The following PCGF3 variants were observed in gnomAD, a reference collection of about 807,000 sequenced individuals.
PCGF3 encodes polycomb group RING finger protein 3.
In PCGF3, 7 loss-of-function variants were observed where a neutral mutation model predicts 33.1. That is an observed-to-expected ratio of 0.21 (90% CI 0.12 to 0.40). PCGF3 has a LOEUF of 0.40. PCGF3 is among the 10% of genes least tolerant of loss of function. PCGF3 has a pLI of 1.00. For missense variants in PCGF3, 211 were observed against 313.3 expected (o/e 0.67, Z 2.46); for synonymous variants, 153 against 121.3 (o/e 1.26, Z -1.72).
At chr4:751,739 C>T (rs1744523353) in intron 8 of PCGF3, among the ~76,000 whole-genome samples, 1 of 152,246 alleles carries the variant, frequency 6.6e-6, no homozygotes, top group Admixed American at 6.5e-5. Flanking sequence ...TGTGCCTGTG[C>T]CTGGAGGCTC....
intron 9 of PCGF3, chr4:764,534 G>C (rs1437348881): frequency 6.4e-6 from 1 of 156,014 alleles, no homozygotes; most frequent in Admixed American, 6.4e-5. Flanking sequence ...GAGCTGTCAG[G>C]GCTGCTCATG....
intron 9 of PCGF3, chr4:762,807 C>T (rs766998721): frequency 2.6e-5 from 4 of 152,216 alleles, no homozygotes; most frequent in Non-Finnish European, 5.9e-5. Flanking sequence ...GAAGACACCA[C>T]CTCGTGATAA....
intron 8 of PCGF3, among the ~76,000 whole-genome samples, chr4:753,721 G>T (rs1339332121): frequency 6.6e-6 from 1 of 152,016 alleles, no homozygotes; most frequent in Non-Finnish European, 1.5e-5. Flanking sequence ...GCTGAGGCGG[G>T]CAGATTGCCT....
chr4:754,744 C>T (rs1198350683), intron 8 of PCGF3, among the ~76,000 whole-genome samples: 2 of 152,142 alleles, frequency 1.3e-5, no homozygotes, highest in Admixed American at 6.5e-5. Context: ...TGCAGCCTGG[C>T]GTGGCTTTAT....
At chr4:713,871 G>A (rs898737217) in intron 1 of PCGF3, among the ~76,000 whole-genome samples, 5 of 152,274 alleles carry the variant, frequency 3.3e-5, no homozygotes, top group Middle Eastern at 3.4e-3. Context: ...TGGGGGCCAC[G>A]AGGGCTCACC....
intron 1 of PCGF3, among the ~76,000 whole-genome samples, chr4:716,234 A>G (rs1389590689): frequency 1.5e-4 from 15 of 96,820 alleles, no homozygotes; most frequent in Admixed American, 2.3e-4. Context: ...GGGACCCTCT[A>G]GACACTGTGA....
At chr4:742,655 G>A (rs1744144466) in intron 6 of PCGF3, among the ~76,000 whole-genome samples, 1 of 152,216 alleles carries the variant, frequency 6.6e-6, no homozygotes, top group African/African-American at 2.4e-5. Flanking sequence ...GTTCTGGCCA[G>A]CTCTTGCTGG....
intron 1 of PCGF3, among the ~76,000 whole-genome samples, chr4:713,099 G>T (rs561805110): frequency 1.4e-5 from 2 of 146,874 alleles, no homozygotes; most frequent in African/African-American, 5.3e-5. Context: ...TATGTTCTTC[G>T]TGGGTCCTGT....
chr4:744,616 C>T (rs1386368450), exon 8 of PCGF3: 25 of 1,558,342 alleles, frequency 1.6e-5, no homozygotes, highest in Non-Finnish European at 2.0e-5. Context: ...CCAAAGCAGA[C>T]GACAGTTCAA....
At chr4:711,223 C>G (rs13131946) in intron 1 of PCGF3, among the ~76,000 whole-genome samples, 1 of 152,342 alleles carries the variant, frequency 6.6e-6, no homozygotes, top group East Asian at 1.9e-4. Flanking sequence ...GCCGCACTCT[C>G]TAGACTACAG....
rs1044032688 is a variant in PCGF3 at position 721,930 on chromosome 4, T to C, written c.-189-8700T>C. 2.0e-4 allele frequency among the ~76,000 whole-genome samples: 23 copies of C among 117,432 alleles called. No homozygotes were observed. The highest frequency in any genetic ancestry group is 3.2e-4 in the Non-Finnish European group (18 of 56,660). 77.0% of individuals were successfully genotyped at this position (117,432 alleles called of 152,430 possible). ...GAGGCCTGTGGGAGGTGGGTGGACA[T>C]GTGTCGCTGCATGTGGGTGTGGGGA... On this transcript the variant is annotated intron_variant, in intron 1 of 10. Transcript: ENST00000362003. The surrounding 1 kb of genome is among the most constrained non-coding windows in gnomAD (Gnocchi z 4.1).
chr4:727,053 C>G (rs1214493258), intron 1 of PCGF3, among the ~76,000 whole-genome samples: 2 of 152,140 alleles, frequency 1.3e-5, no homozygotes, highest in African/African-American at 4.8e-5. Context: ...ATCGTGGGCA[C>G]CTGCGTTGCT....
At position 748,202 on chromosome 4, in the gene PCGF3, C is replaced by CT. The variant is rs34436446; in HGVS notation, c.462+3528dup. Among the ~76,000 whole-genome samples the CT allele has an allele frequency of 7.3e-3, 1,075 of 147,082 alleles. 9 individuals carry two copies. The highest frequency in any genetic ancestry group is 0.02 in the African/African-American group (813 of 39,962). ...AAATTCCATACCCACGTCTAGAGAA[C>CT]TTTTTTTTTTTTTTGAGATGGAGTT... On this transcript the variant is annotated intron_variant, in intron 8 of 10. Transcript: ENST00000362003.
At chr4:758,655 TTCCGGACTCCAGGTCTTTCTCCCC>T (rs1744901835) in intron 8 of PCGF3, among the ~76,000 whole-genome samples, 1 of 58,956 alleles carries the variant, frequency 1.7e-5, no homozygotes, top group East Asian at 5.5e-4. Context: ...GTTCTTCTCC[TTCCGGACTCCAGGTCTTTCTCCCC>T]GCGCGGCCCC....
intron 8 of PCGF3, chr4:757,550 G>A (rs1173061347): frequency 6.6e-6 from 1 of 152,184 alleles, no homozygotes; most frequent in Non-Finnish European, 1.5e-5. Context: ...GTGAATACTT[G>A]TGTGATATTT....
chr4:763,974 C>T (rs890984152), intron 9 of PCGF3, among the ~76,000 whole-genome samples: 17 of 152,258 alleles, frequency 1.1e-4, no homozygotes, highest in Non-Finnish European at 1.5e-4. Flanking sequence ...GTAGGCCGTG[C>T]GACTCCAGCT....
chr4:737,571 G>A, intron 6 of PCGF3, 50 bp downstream of exon 6: 2 of 1,158,662 alleles, frequency 1.7e-6, no homozygotes, highest in Non-Finnish European at 2.6e-6. Context: ...CCTGGCCTCT[G>A]CAGCCCCTGC....
intron 8 of PCGF3, among the ~76,000 whole-genome samples, chr4:758,559 T>G (rs1328437260): frequency 1.8e-5 from 2 of 112,972 alleles, no homozygotes; most frequent in Non-Finnish European, 3.5e-5. Context: ...CCCTCCAGAC[T>G]CCGGGTCTTT....
chr4:760,996 C>T (rs1745024563), intron 8 of PCGF3, among the ~76,000 whole-genome samples: 1 of 152,148 alleles, frequency 6.6e-6, no homozygotes, highest in African/African-American at 2.4e-5. Flanking sequence ...CCAGTGCCTG[C>T]GATGGATAAG....
Sources: gnomAD v4.1 joint callset for allele counts (sites outside exome capture counted in the v4.1 genomes callset) on GRCh38, gnomAD v4.1.1 for gene constraint, Gnocchi (gnomAD v3.1) non-coding constraint, MANE v1.5 for transcripts, NCBI Gene and HGNC (gene_info 2026-07-23, HGNC 2026-07-21) for gene names.